ZBTB20: variants seen among roughly 807,000 people sequenced by gnomAD.
The protein encoded by ZBTB20 is zinc finger and BTB domain-containing protein 20.
A neutral mutation model predicts 56.9 loss-of-function variants in ZBTB20; 9 were observed. That is an observed-to-expected ratio of 0.16 (90% CI 0.10 to 0.28). The LOEUF (loss-of-function observed/expected upper bound fraction) is 0.28. ZBTB20 is among the 10% of genes least tolerant of loss of function. The probability of loss-of-function intolerance (pLI) is 1.00; values close to 1 mark genes in which losing one functional copy is unlikely to be tolerated. For missense variants in ZBTB20, 655 were observed against 1,003.0 expected (o/e 0.65, Z 4.69); for synonymous variants, 417 against 420.7 (o/e 0.99, Z 0.11).
chr3:114,856,950 T>C (rs1240286055), intron 4 of ZBTB20, among the ~76,000 whole-genome samples: 1 of 152,218 alleles, frequency 6.6e-6, no homozygotes, highest in African/African-American at 2.4e-5. Context: ...GCTGTCATGA[T>C]AGGGCTGTAA....
In ZBTB20 at chr3:114,888,107, A is replaced by G. The variant is rs75742547; in HGVS notation, c.-417+12197T>C. Among the ~76,000 whole-genome samples the G allele has an allele frequency of 3.1e-4, 47 of 151,546 alleles. 1 individual carries two copies. Among genetic ancestry groups the G allele is most frequent in the Admixed American group, 5.9e-4 (9 of 15,202 alleles). ...GGAATTGGTCATTAAAAAAAAAAAA[A>G]GAAAGAAAGAAAGAAAAGAAAATTA... On this transcript the variant is annotated intron_variant, in intron 4 of 11. Transcript: ENST00000675478.
chr3:114,618,047 A>G (rs1422896862), intron 6 of ZBTB20, among the ~76,000 whole-genome samples: 1 of 150,350 alleles, frequency 6.7e-6, no homozygotes, highest in Non-Finnish European at 1.5e-5. Context: ...TCTCCTATCT[A>G]GAAAGTAACT....
rs80262528 is a variant in ZBTB20, at chr3:115,019,030, A to AT, written c.-506-44615dup. Among the ~76,000 whole-genome samples, 18 of 151,268 alleles carry AT rather than the reference A, an allele frequency of 1.2e-4. 1 individual carries two copies. The highest frequency in any genetic ancestry group is 9.8e-4 in the East Asian group (5 of 5,092). On this transcript the variant is annotated intron_variant, in intron 2 of 11. Coordinates refer to ENST00000675478, the MANE Select transcript of ZBTB20 (RefSeq NM_001348800.3). The stretch of plus-strand genomic sequence containing the variant: ...ACTTTTCTCCCCTCCAGATTGTGTG[A>AT]TTTTTTTGTCCTTTGTACCCGACAT...
chr3:114,767,355 A>G (rs1302968134), intron 5 of ZBTB20, among the ~76,000 whole-genome samples: 1 of 152,072 alleles, frequency 6.6e-6, no homozygotes, highest in African/African-American at 2.4e-5. Context: ...TATTCTCAAA[A>G]CTGGGATGGT....
chr3:114,762,686 A>C (rs2068522485), intron 5 of ZBTB20, among the ~76,000 whole-genome samples: 1 of 152,204 alleles, frequency 6.6e-6, no homozygotes, highest in South Asian at 2.1e-4. Flanking sequence ...CATCCGTCTG[A>C]GCCATACTAA....
intron 7 of ZBTB20, among the ~76,000 whole-genome samples, chr3:114,447,867 T>G (rs2091362607): frequency 1.3e-5 from 2 of 152,176 alleles, no homozygotes; most frequent in African/African-American, 2.4e-5. Context: ...TAATGCCATT[T>G]GGGATATTTC....
intron 6 of ZBTB20, among the ~76,000 whole-genome samples, chr3:114,670,053 T>C (rs1018174906): frequency 2.6e-5 from 4 of 152,108 alleles, no homozygotes; most frequent in Non-Finnish European, 5.9e-5. Context: ...ATGTGACATT[T>C]TATTTTTTTA....
intron 3 of ZBTB20, among the ~76,000 whole-genome samples, chr3:114,912,223 G>C (rs540886807): frequency 6.7e-6 from 1 of 149,660 alleles, no homozygotes; most frequent in East Asian, 2.0e-4. Flanking sequence ...CCAGACAAAG[G>C]AAAACTGAGG....
In ZBTB20 at chr3:114,450,160, G is replaced by A. The variant is rs186121145; in HGVS notation, c.-255+50192C>T. On this transcript the variant is annotated intron_variant, in intron 7 of 11. Coordinates refer to ENST00000675478, the MANE Select transcript of ZBTB20 (RefSeq NM_001348800.3). ...GTAGACTCACAGAAGGTGCCTCTGC[G>A]AAAGATCATACAAATCAACAGCCTT... Among the ~76,000 whole-genome samples, 592 of 152,248 alleles carry A rather than the reference G, an allele frequency of 3.9e-3. 2 individuals are homozygous for A. The highest frequency in any genetic ancestry group is 6.5e-3 in the Non-Finnish European group (445 of 68,014).
At position 114,696,804 on chromosome 3, in the gene ZBTB20, C is replaced by T. The variant is rs181480693; in HGVS notation, c.-342-3229G>A. 2.5e-3 allele frequency among the ~76,000 whole-genome samples: 376 copies of T among 151,252 alleles called. 2 individuals carry two copies. The highest frequency in any genetic ancestry group is 8.8e-3 in the African/African-American group (364 of 41,258). Reference sequence around the variant, plus strand: ...AAGGAGCGAAGGGCTACAGAAAGAGCGAGAGAAAAAGAGAGAGAGAAAGAG... The same window carrying T: ...AAGGAGCGAAGGGCTACAGAAAGAGTGAGAGAAAAAGAGAGAGAGAAAGAG... On this transcript the variant is annotated intron_variant, in intron 5 of 11. Transcript: ENST00000675478.
intron 1 of ZBTB20, chr3:115,100,137 C>A (rs1205876242): frequency 6.6e-6 from 1 of 150,852 alleles, no homozygotes; most frequent in East Asian, 2.0e-4. Flanking sequence ...ATTGAGGAAG[C>A]AGGATTTTTT....
Position 114,331,105 on chromosome 3 carries a change from A to ATGTGTGTGTGTGTGTGTGTGTGTG in ZBTB20, c.*7876_*7899dup, listed in dbSNP as rs58242110. 1 of 148,628 alleles carries ATGTGTGTGTGTGTGTGTGTGTGTG rather than the reference A, an allele frequency of 6.7e-6. No individual in the cohort carries two copies. The highest frequency in any genetic ancestry group is 1.5e-5 in the Non-Finnish European group (1 of 67,010). 9.2% of individuals were successfully genotyped at this position (148,628 alleles called of 1,614,324 possible). A position where few individuals can be genotyped will look rare whatever the true frequency, so the allele number is the denominator to read the frequency against. On this transcript the variant is annotated 3_prime_UTR_variant, in exon 12 of 12. Coordinates refer to ENST00000675478, the MANE Select transcript of ZBTB20 (RefSeq NM_001348800.3). ...AAGCTTTAGTTTGAGAATAAAATTT[A>ATGTGTGTGTGTGTGTGTGTGTGTG]TGTGTGTGTGTGTGTGTGTGTGTGT... is the stretch of plus-strand genomic sequence containing the variant.
chr3:114,765,789 GT>G (rs1385288087), intron 5 of ZBTB20, among the ~76,000 whole-genome samples: 1 of 152,150 alleles, frequency 6.6e-6, no homozygotes, highest in African/African-American at 2.4e-5. Context: ...AGCATTCAGT[GT>G]TTGAGTGGCA....
intron 7 of ZBTB20, among the ~76,000 whole-genome samples, chr3:114,467,144 C>T (rs976408695): frequency 3.3e-5 from 5 of 152,166 alleles, no homozygotes; most frequent in Non-Finnish European, 7.3e-5. Context: ...CAAAGGATAG[C>T]AGTAGGAGTT....
chr3:114,500,002 G>GTATTGA (rs2043760886), intron 7 of ZBTB20, among the ~76,000 whole-genome samples: 1 of 152,144 alleles, frequency 6.6e-6, no homozygotes, highest in Non-Finnish European at 1.5e-5. Context: ...ATACATAATT[G>GTATTGA]CCCAATGATT....
intron 3 of ZBTB20, among the ~76,000 whole-genome samples, chr3:114,905,741 A>G (rs2075294726): frequency 6.6e-6 from 1 of 151,908 alleles, no homozygotes; most frequent in East Asian, 1.9e-4. Flanking sequence ...TAATCAGTAC[A>G]AACTTAAAAT....
At chr3:114,410,200 T>C (rs1576634421) in intron 7 of ZBTB20, among the ~76,000 whole-genome samples, 2 of 152,082 alleles carry the variant, frequency 1.3e-5, no homozygotes, top group Admixed American at 1.3e-4. Context: ...GCGAACTCCA[T>C]GTTTAAAAAG....
intron 5 of ZBTB20, among the ~76,000 whole-genome samples, chr3:114,730,575 G>T (rs2065662254): frequency 6.6e-6 from 1 of 152,178 alleles, no homozygotes; most frequent in Non-Finnish European, 1.5e-5. Context: ...GTCCTTATAA[G>T]GACAGGAAGA....
chr3:114,720,736 A>G (rs2108492047), intron 5 of ZBTB20, among the ~76,000 whole-genome samples: 1 of 152,300 alleles, frequency 6.6e-6, no homozygotes, highest in Admixed American at 6.5e-5. Flanking sequence ...GCATATACTA[A>G]TTGTATATCT....
Sources: gnomAD v4.1 joint callset for allele counts (sites outside exome capture counted in the v4.1 genomes callset) on GRCh38, gnomAD v4.1.1 for gene constraint, MANE v1.5 for transcripts, NCBI Gene and HGNC (gene_info 2026-07-23, HGNC 2026-07-21) for gene names.